TMEM200A: variants seen among roughly 807,000 people sequenced by gnomAD.
TMEM200A encodes the protein transmembrane protein 200A.
In TMEM200A, 12 loss-of-function variants were observed where a neutral mutation model predicts 24.3. That is an observed-to-expected ratio of 0.49 (90% CI 0.32 to 0.80). TMEM200A has a LOEUF of 0.80. TMEM200A is among the 30% of genes least tolerant of loss of function. The pLI is 0.04. For missense variants in TMEM200A, 545 were observed against 614.4 expected (o/e 0.89, Z 1.19); for synonymous variants, 224 against 224.4 (o/e 1.00, Z 0.02).
chr6:130,400,577 T>G (rs1779062297), intron 2 of TMEM200A, among the ~76,000 whole-genome samples: 1 of 151,908 alleles, frequency 6.6e-6, no homozygotes, highest in Non-Finnish European at 1.5e-5. Context: ...ATGTAAGCCC[T>G]GAGTTACAGT....
At chr6:130,401,240 G>A (rs1035145264) in intron 2 of TMEM200A, among the ~76,000 whole-genome samples, 1 of 151,908 alleles carries the variant, frequency 6.6e-6, no homozygotes, top group Non-Finnish European at 1.5e-5. Flanking sequence ...TATATGGAAG[G>A]CATCTTTTCA....
At chr6:130,414,080 C>T (rs1267991870) in intron 2 of TMEM200A, among the ~76,000 whole-genome samples, 3 of 151,968 alleles carry the variant, frequency 2.0e-5, no homozygotes, top group Non-Finnish European at 2.9e-5. Flanking sequence ...ACAACAAAAC[C>T]TGCTTCTCAC....
intron 2 of TMEM200A, among the ~76,000 whole-genome samples, chr6:130,427,863 T>TATCA (rs1779785061): frequency 1.3e-5 from 2 of 152,174 alleles, no homozygotes; most frequent in Admixed American, 6.6e-5. Flanking sequence ...GTGAATCAAC[T>TATCA]ATCAAAGTTT....
intron 1 of TMEM200A, among the ~76,000 whole-genome samples, chr6:130,369,191 C>CA (rs1419362095): frequency 5.3e-5 from 8 of 152,170 alleles, no homozygotes; most frequent in Non-Finnish European, 1.0e-4. Context: ...TCACTTAGTA[C>CA]TGGGTGGTTT....
chr6:130,382,836 T>C (rs1215626797), intron 1 of TMEM200A, among the ~76,000 whole-genome samples: 1 of 152,184 alleles, frequency 6.6e-6, no homozygotes, highest in Non-Finnish European at 1.5e-5. Context: ...CCCCTTCCTC[T>C]GGCCTTCAAG....
At chr6:130,377,365 C>T (rs1200622144) in intron 1 of TMEM200A, among the ~76,000 whole-genome samples, 1 of 152,200 alleles carries the variant, frequency 6.6e-6, no homozygotes, top group Admixed American at 6.5e-5. Context: ...AACAAGGCCA[C>T]CTGCATCCCA....
intron 2 of TMEM200A, among the ~76,000 whole-genome samples, chr6:130,424,252 C>T (rs1196243440): frequency 6.6e-6 from 1 of 152,122 alleles, no homozygotes; most frequent in Non-Finnish European, 1.5e-5. Flanking sequence ...CTTCTGCTTC[C>T]TGGCTGTGTG....
At chr6:130,431,638 G>A (rs1006142814) in intron 2 of TMEM200A, among the ~76,000 whole-genome samples, 3 of 152,098 alleles carry the variant, frequency 2.0e-5, no homozygotes, top group African/African-American at 7.2e-5. Context: ...TCAGCAGGGT[G>A]TTTTCTGAGC....
intron 1 of TMEM200A, among the ~76,000 whole-genome samples, chr6:130,377,198 T>A (rs1255614847): frequency 1.3e-5 from 2 of 152,168 alleles, no homozygotes; most frequent in African/African-American, 4.8e-5. Context: ...TATATGGGAC[T>A]CCCTGAGTCT....
At chr6:130,411,145 G>C (rs1779320816) in intron 2 of TMEM200A, among the ~76,000 whole-genome samples, 1 of 151,358 alleles carries the variant, frequency 6.6e-6, no homozygotes, top group African/African-American at 2.4e-5. Context: ...TTCCAGCTTG[G>C]GCGAGGAGTG....
chr6:130,436,528 C>T (rs1459161660), intron 2 of TMEM200A, among the ~76,000 whole-genome samples: 1 of 146,772 alleles, frequency 6.8e-6, no homozygotes, highest in Non-Finnish European at 1.5e-5. Flanking sequence ...TTTGCATATA[C>T]TGAACACTTT....
chr6:130,375,408 A>G lies in TMEM200A; in HGVS notation c.-81+8884A>G, dbSNP rs568344207. ...AACTTGGCTCAGGAGAAGGTTTATTAATTAATAAAGGATTCATTAAATATT... is the reference window on the plus strand; with the variant it reads ...AACTTGGCTCAGGAGAAGGTTTATTGATTAATAAAGGATTCATTAAATATT... On this transcript the variant is annotated intron_variant, in intron 1 of 2. Transcript: ENST00000296978. Among the ~76,000 whole-genome samples the G allele has an allele frequency of 7.9e-5, 12 of 152,360 alleles. No individual in the cohort carries two copies. The East Asian group carries it at 2.1e-3, about 27-fold the overall frequency.
At chr6:130,432,269 C>T (rs536099183) in intron 2 of TMEM200A, among the ~76,000 whole-genome samples, 1 of 152,270 alleles carries the variant, frequency 6.6e-6, no homozygotes, top group South Asian at 2.1e-4. Flanking sequence ...AATTGCATCA[C>T]GAAGTTAACT....
intron 1 of TMEM200A, among the ~76,000 whole-genome samples, chr6:130,370,366 A>T (rs1778290944): frequency 6.6e-6 from 1 of 152,164 alleles, no homozygotes; most frequent in African/African-American, 2.4e-5. Context: ...GGACTAAATC[A>T]TGTGCCCAAC....
At position 130,442,911 on chromosome 6, in the gene TMEM200A, A is replaced by G. The variant is rs78317999; in HGVS notation, c.*1013A>G. 1 of 164,610 alleles carries G rather than the reference A, an allele frequency of 6.1e-6. No individual in the cohort carries two copies. Among genetic ancestry groups the G allele is most frequent in the African/African-American group, 2.4e-5 (1 of 41,282 alleles). The allele number at this position is 164,610 out of a possible 1,614,324, so 10.2% of individuals were successfully genotyped here. ...GCCACTATCTCGGTAGTTCAAAAAA[A>G]TTTAGTTCTTGATAAATTGCCTTGA... On this transcript the variant is annotated 3_prime_UTR_variant, in exon 3 of 3. Transcript: ENST00000296978.
intron 2 of TMEM200A, among the ~76,000 whole-genome samples, chr6:130,439,649 G>A (rs1780104317): frequency 6.6e-6 from 1 of 152,220 alleles, no homozygotes; most frequent in Non-Finnish European, 1.5e-5. Context: ...GGAGAGTATG[G>A]AAGAGAAGAT....
chr6:130,377,398 T>C (rs79444352), intron 1 of TMEM200A, among the ~76,000 whole-genome samples: 6,842 of 152,232 alleles, frequency 0.045, 509 homozygotes, highest in African/African-American at 0.15. Flanking sequence ...AGAGATACCA[T>C]CCTAGGGATT....
intron 2 of TMEM200A, among the ~76,000 whole-genome samples, chr6:130,399,372 C>T (rs7755542): frequency 0.14 from 21,506 of 151,900 alleles, 1,724 homozygotes; most frequent in East Asian, 0.35. Flanking sequence ...CCCATCCTTT[C>T]TACTGATTCC....
rs1778145787 is a variant in TMEM200A at position 130,366,364 on chromosome 6, C to G, written c.-241C>G. On this transcript the variant is annotated 5_prime_UTR_variant, in exon 1 of 3. Coordinates refer to ENST00000296978, the MANE Select transcript of TMEM200A (RefSeq NM_001258277.2). The surrounding 1 kb of genome is among the most constrained non-coding windows in gnomAD (Gnocchi z 4.4). Reference sequence around the variant, plus strand: ...AGCCCTGGGATGGGGAGGGAGACCGCGGCTGCCCGCGGCGGCCGAGATTCC... The same window carrying G: ...AGCCCTGGGATGGGGAGGGAGACCGGGGCTGCCCGCGGCGGCCGAGATTCC... 1.0e-6 allele frequency: 1 copy of G among 985,316 alleles called. No individual in the cohort carries two copies. The highest frequency in any genetic ancestry group is 1.2e-6 in the Non-Finnish European group (1 of 829,928). 61.0% of individuals were successfully genotyped at this position (985,316 alleles called of 1,614,324 possible).
Sources: gnomAD v4.1 joint callset for allele counts (sites outside exome capture counted in the v4.1 genomes callset) on GRCh38, gnomAD v4.1.1 for gene constraint, Gnocchi (gnomAD v3.1) non-coding constraint, MANE v1.5 for transcripts, NCBI Gene and HGNC (gene_info 2026-07-23, HGNC 2026-07-21) for gene names.